Variants in PFDN4 observed in about 807,000 individuals in gnomAD.
PFDN4 encodes the protein prefoldin subunit 4, also known as prefoldin 4.
Under a neutral mutation model 17.6 loss-of-function variants are expected in PFDN4, and 6 were observed. That is an observed-to-expected ratio of 0.34 (90% CI 0.19 to 0.67). PFDN4 has a LOEUF of 0.67. Among genes scored for constraint, PFDN4 ranks in the 30% least tolerant of loss-of-function variants. The probability of loss-of-function intolerance (pLI) is 0.68; values close to 1 mark genes in which losing one functional copy is unlikely to be tolerated. For synonymous variants in PFDN4, 48 were observed against 51.1 expected (o/e 0.94, Z 0.26); for missense variants, 119 against 158.4 (o/e 0.75, Z 1.33).
intron 1 of PFDN4, among the ~76,000 whole-genome samples, chr20:54,211,701 T>C (rs1374344029): frequency 6.6e-6 from 1 of 152,188 alleles, no homozygotes; most frequent in African/African-American, 2.4e-5. Context: ...TTCTTCTGAC[T>C]TTGAGAGTAG....
At chr20:54,215,259 A>T (rs1415890814) in intron 2 of PFDN4, 41 bp from the exon 3 acceptor site, 4 of 1,503,964 alleles carry the variant, frequency 2.7e-6, no homozygotes, top group East Asian at 2.3e-5. Flanking sequence ...CTTCTATCAG[A>T]GAACTTTGAG....
intron 1 of PFDN4, 50 bp downstream of exon 1, chr20:54,208,174 G>A: frequency 6.7e-7 from 1 of 1,486,222 alleles, no homozygotes. Context: ...CCGGATCTCG[G>A]CCGCTGGGGC....
intron 1 of PFDN4, among the ~76,000 whole-genome samples, chr20:54,210,753 C>T (rs1057425611): frequency 1.3e-5 from 2 of 152,214 alleles, no homozygotes; most frequent in African/African-American, 2.4e-5. Flanking sequence ...TTCATCATCA[C>T]GTTTGTCACC....
At chr20:54,211,637 C>T (rs1341140474) in intron 1 of PFDN4, among the ~76,000 whole-genome samples, 1 of 152,152 alleles carries the variant, frequency 6.6e-6, no homozygotes, top group Non-Finnish European at 1.5e-5. Context: ...CCTGACTCTT[C>T]CCACCACTCT....
chr20:54,208,174 G>C, intron 1 of PFDN4, 50 bp downstream of exon 1: 1 of 1,486,222 alleles, frequency 6.7e-7, no homozygotes, highest in Non-Finnish European at 9.0e-7. Flanking sequence ...CCGGATCTCG[G>C]CCGCTGGGGC....
chr20:54,209,852 C>G (rs1300988519), intron 1 of PFDN4, among the ~76,000 whole-genome samples: 1 of 152,070 alleles, frequency 6.6e-6, no homozygotes, highest in African/African-American at 2.4e-5. Flanking sequence ...ACTGTGGTGA[C>G]CAGTGAGAAA....
Position 54,215,263 on chromosome 20 carries a change from C to CT in PFDN4, c.133-34dup, listed in dbSNP as rs748669407. On this transcript the variant is annotated intron_variant, in intron 2 of 3. Coordinates refer to ENST00000371419, the MANE Select transcript of PFDN4 (RefSeq NM_002623.4). ...TTGGCCTTTAGCTTCTATCAGAGAA[C>CT]TTTGAGTACATTTTCTTTGCCATTT... is the stretch of plus-strand genomic sequence containing the variant. The CT allele has an allele frequency of 3.9e-6, 6 of 1,523,204 alleles. No homozygotes were observed. The Admixed American group carries it at 9.6e-5, about 24-fold the overall frequency. 94.4% of individuals were successfully genotyped at this position (1,523,204 alleles called of 1,614,324 possible). A position where few individuals can be genotyped will look rare whatever the true frequency, so the allele number is the denominator to read the frequency against.
intron 3 of PFDN4, among the ~76,000 whole-genome samples, chr20:54,216,224 G>A (rs960980831): frequency 6.6e-6 from 1 of 152,174 alleles, no homozygotes; most frequent in Non-Finnish European, 1.5e-5. Context: ...TTGATACATG[G>A]TATGAAATTT....
chr20:54,210,095 G>A (rs1178825163), intron 1 of PFDN4, among the ~76,000 whole-genome samples: 1 of 152,196 alleles, frequency 6.6e-6, no homozygotes. Context: ...AGGGAGAGTT[G>A]GATAGGGAGC....
chr20:54,218,947 ATAT>A (rs971698329), intron 3 of PFDN4, 69 bp from the exon 4 acceptor site: 66 of 1,023,818 alleles, frequency 6.4e-5, no homozygotes, highest in Non-Finnish European at 9.2e-5. Flanking sequence ...TTCTTCCCAA[ATAT>A]TATTTCAGAC....
chr20:54,211,572 T>C lies in PFDN4; in HGVS notation c.25-2779T>C, dbSNP rs1422521100. ...TTACAGATGAGAAACCTGAGGTGGT[T>C]CCAAAGAATTGGGTAATTTGCCCAA... On this transcript the variant is annotated intron_variant, in intron 1 of 3. Coordinates refer to ENST00000371419, the MANE Select transcript of PFDN4 (RefSeq NM_002623.4). 2.6e-5 allele frequency among the ~76,000 whole-genome samples: 4 copies of C among 152,194 alleles called. No homozygotes were observed. The East Asian group carries it at 7.7e-4, about 29-fold the overall frequency.
chr20:54,212,293 G>C (rs1283472764), intron 1 of PFDN4, among the ~76,000 whole-genome samples: 3 of 152,154 alleles, frequency 2.0e-5, no homozygotes, highest in Non-Finnish European at 4.4e-5. Flanking sequence ...GCCTCTGTTA[G>C]CCATCAAAGG....
At chr20:54,208,198 G>C in intron 1 of PFDN4, 74 bp downstream of exon 1, 1 of 1,361,294 alleles carries the variant, frequency 7.3e-7, no homozygotes, top group Admixed American at 2.5e-5. Context: ...GGCGCGGGAT[G>C]CTGGGGGTGC....
chr20:54,208,827 CT>C (rs1007824081), intron 1 of PFDN4: 6 of 152,272 alleles, frequency 3.9e-5, no homozygotes, highest in African/African-American at 1.4e-4. Flanking sequence ...TTCCTCTCCA[CT>C]TTGCAGGTAG....
chr20:54,208,831 G>C (rs887234014), intron 1 of PFDN4: 1 of 152,138 alleles, frequency 6.6e-6, no homozygotes, highest in South Asian at 2.1e-4. Flanking sequence ...TCTCCACTTT[G>C]CAGGTAGAGA....
At chr20:54,218,203 G>A (rs967550732) in intron 3 of PFDN4, among the ~76,000 whole-genome samples, 4 of 147,694 alleles carry the variant, frequency 2.7e-5, no homozygotes, top group Non-Finnish European at 5.9e-5. Context: ...AAAACAAAGA[G>A]TATATGTTAA....
Position 54,219,663 on chromosome 20 carries a change from C to A in PFDN4, c.*513C>A. 1 of 397,474 alleles carries A rather than the reference C, an allele frequency of 2.5e-6. No individual in the cohort carries two copies. The allele number at this position is 397,474 out of a possible 1,614,324, so 24.6% of individuals were successfully genotyped here. A position where few individuals can be genotyped will look rare whatever the true frequency, so the allele number is the denominator to read the frequency against. On this transcript the variant is annotated 3_prime_UTR_variant, in exon 4 of 4. Coordinates refer to ENST00000371419, the MANE Select transcript of PFDN4 (RefSeq NM_002623.4). ...ATTATATTTAAACATACATATTTAA[C>A]ATTTTTTACATATCTATCAATATCA...
rs1270199045 is a variant in PFDN4, at chr20:54,219,237, CA to C, written c.*91del. 4 of 829,860 alleles carry C rather than the reference CA, an allele frequency of 4.8e-6. No individual in the cohort carries two copies. In the African/African-American group the frequency reaches 5.4e-5, roughly 11 times the overall value. The allele number at this position is 829,860 out of a possible 1,614,324, so 51.4% of individuals were successfully genotyped here. A position where few individuals can be genotyped will look rare whatever the true frequency, so the allele number is the denominator to read the frequency against. On this transcript the variant is annotated 3_prime_UTR_variant, in exon 4 of 4. Coordinates refer to ENST00000371419, the MANE Select transcript of PFDN4 (RefSeq NM_002623.4). ...TTCCTTCTTCAAATGACATGGAAAGCAAAACTTTCTTTTTTAAAAATTTTCA... is the reference window on the plus strand; with the variant it reads ...TTCCTTCTTCAAATGACATGGAAAGCAAACTTTCTTTTTTAAAAATTTTCA...
At chr20:54,209,803 G>A (rs1250346503) in intron 1 of PFDN4, among the ~76,000 whole-genome samples, 1 of 152,122 alleles carries the variant, frequency 6.6e-6, no homozygotes, top group Non-Finnish European at 1.5e-5. Flanking sequence ...ATTTTCGGGG[G>A]CACGTAATAT....
Sources: allele counts gnomAD v4.1 joint callset (sites outside exome capture counted in the v4.1 genomes callset), GRCh38; gene constraint gnomAD v4.1.1; transcripts MANE v1.5; gene names NCBI Gene and HGNC (gene_info 2026-07-23, HGNC 2026-07-21).